The following COMP variants were observed in gnomAD, a reference collection of about 807,000 sequenced individuals.
COMP encodes cartilage oligomeric matrix protein (pseudoachondroplasia, epiphyseal dysplasia 1, multiple).
COMP carries 79 observed loss-of-function variants against 95.8 expected under a neutral mutation model. That is an observed-to-expected ratio of 0.82 (90% CI 0.69 to 0.99). The LOEUF (loss-of-function observed/expected upper bound fraction) is 0.99, where lower values mean the gene tolerates loss of function less well. Among genes scored for constraint, COMP ranks in the 50% least tolerant of loss-of-function variants. The probability of loss-of-function intolerance (pLI) is 0.00; values close to 1 mark genes in which losing one functional copy is unlikely to be tolerated. For missense variants in COMP, 906 were observed against 1,076.1 expected (o/e 0.84, Z 2.21); for synonymous variants, 438 against 433.9 (o/e 1.01, Z -0.12).
intron 10 of COMP, chr19:18,787,003 C>T (rs943040583): frequency 8.9e-6 from 3 of 338,776 alleles, no homozygotes; most frequent in Non-Finnish European, 1.7e-5. Flanking sequence ...GAACTCCTGA[C>T]CTCGTGATCC....
rs1375777930 is a variant in COMP, at chr19:18,789,041, C to A, written c.528+119G>T. ...CCCAAACCGATCAGCCCTGGCGCAG[C>A]GGACCCCTCCTCTCCCCACCCCTCC... On this transcript the variant is annotated intron_variant, in intron 5 of 18. Coordinates refer to ENST00000222271, the MANE Select transcript of COMP (RefSeq NM_000095.3). This position sits in a 1 kb window ranked among gnomAD's most constrained non-coding sequence, Gnocchi z 6.1. 13 of 1,535,844 alleles carry A rather than the reference C, an allele frequency of 8.5e-6. No homozygotes were observed. The highest frequency in any genetic ancestry group is 1.9e-5 in the Admixed American group (1 of 53,240).
rs1234440383 is a variant in COMP, at chr19:18,784,199, GC to G, written c.2078del (p.Gly693AlafsTer?). The G allele has an allele frequency of 6.2e-7, 1 of 1,613,450 alleles. No homozygotes were observed. The highest frequency in any genetic ancestry group is 8.5e-7 in the Non-Finnish European group (1 of 1,180,034). On this transcript the variant is annotated frameshift_variant, in exon 17 of 19. Coordinates refer to ENST00000222271, the MANE Select transcript of COMP (RefSeq NM_000095.3). LOFTEE classifies it high-confidence loss of function. The surrounding 1 kb of genome is among the most constrained non-coding windows in gnomAD (Gnocchi z 4.9). ...RWFLQHRPQVGYIRVRFYEGP... is the reference protein window; with the variant it reads ...RWFLQHRPQVXYIRVRFYEGP... ...GAGGGTGGAGTCCCCACCTGATGTA[GC>G]CCACTTGGGGCCGGTGCTGCAGGAA...
In COMP at chr19:18,788,701, G is replaced by A. The variant is rs1488913825; in HGVS notation, c.653C>T (p.Ala218Val). The change falls in exon 7 of 19, where the codon GCG (alanine) becomes GTG (valine). Residue 218 changes from alanine to valine, a missense_variant. Ala to Val is a moderately conservative substitution (Grantham distance 64). Transcript: ENST00000222271. The surrounding 1 kb of genome is among the most constrained non-coding windows in gnomAD (Gnocchi z 4.7). ...PCQPGFVGDQ[A>V]SGCQRRAQRF... ...CTGTGCGCGCCGCTGGCAGCCGGAC[G>A]CCTGGTCGCCCACGAAGCCGGGCTG... 6 of 1,541,050 alleles carry A rather than the reference G, an allele frequency of 3.9e-6. No individual in the cohort carries two copies. Among genetic ancestry groups the A allele is most frequent in the East Asian group, 2.5e-5 (1 of 40,738 alleles).
chr19:18,784,214 G>C lies in COMP; in HGVS notation c.2064C>G (p.His688Gln). ...ACCTGATGTAGCCCACTTGGGGCCG[G>C]TGCTGCAGGAACCAACGATAGGACT... ...DKKSYRWFLQ[H>Q]RPQVGYIRVR... The change falls in exon 17 of 19, where the codon CAC becomes CAG. Residue 688 changes from histidine (H) to glutamine (Q), a missense_variant. Physicochemically the swap from His to Gln is conservative, Grantham distance 24. Transcript: ENST00000222271. The surrounding 1 kb of genome is among the most constrained non-coding windows in gnomAD (Gnocchi z 4.9). The C allele has an allele frequency of 1.2e-6, 2 of 1,613,832 alleles. No homozygotes were observed. The highest frequency in any genetic ancestry group is 4.5e-5 in the East Asian group (2 of 44,884).
intron 10 of COMP, 112 bp from the exon 11 acceptor site, chr19:18,786,762 G>A (rs2055170566): frequency 3.5e-6 from 1 of 289,140 alleles, no homozygotes; most frequent in Non-Finnish European, 5.9e-6. Context: ...CTTCATGGAA[G>A]CTTTTTTTTT....
chr19:18,790,898 C>A lies in COMP; in HGVS notation c.117G>T (p.Gln39His). The A allele has an allele frequency of 6.4e-7, 1 of 1,571,448 alleles. No homozygotes were observed. Among genetic ancestry groups the A allele is most frequent in the East Asian group, 2.4e-5 (1 of 42,548 alleles). The change falls in exon 2 of 19, where the codon CAG (glutamine) becomes CAT (histidine). Residue 39 changes from glutamine to histidine, a missense_variant. Transcript: ENST00000222271. ...DLGPQMLREL[Q>H]ETNAALQDVR... is the part of the protein sequence containing the mutation. ...CGTCCTGCAGCGCCGCGTTGGTTTC[C>A]TGCAGTTCCCGAAGCATCTGCGGGC...
At chr19:18,786,192 G>A (rs779078342) in intron 12 of COMP, 46 bp from the exon 13 acceptor site, 7 of 1,614,126 alleles carry the variant, frequency 4.3e-6, no homozygotes, top group Non-Finnish European at 5.9e-6. Flanking sequence ...TCTCCAGAGC[G>A]TTTTGTCAAA....
Position 18,784,069 on chromosome 19 carries a change from C to A in COMP, c.2087+122G>T. On this transcript the variant is annotated intron_variant, in intron 17 of 18. Coordinates refer to ENST00000222271, the MANE Select transcript of COMP (RefSeq NM_000095.3). This position sits in a 1 kb window ranked among gnomAD's most constrained non-coding sequence, Gnocchi z 4.9. ...CCAGCATAGGCTCATTCTAACTGCC[C>A]TGTATCTTTCCTATCGTACAGATGA... The A allele has an allele frequency of 2.6e-6, 3 of 1,133,742 alleles. No homozygotes were observed. Among genetic ancestry groups the A allele is most frequent in the Non-Finnish European group, 4.0e-6 (3 of 757,762 alleles). The allele number at this position is 1,133,742 out of a possible 1,614,324, so 70.2% of individuals were successfully genotyped here. A position where few individuals can be genotyped will look rare whatever the true frequency, so the allele number is the denominator to read the frequency against.
chr19:18,786,454 A>T, intron 11 of COMP, 78 bp downstream of exon 11: 2 of 1,535,554 alleles, frequency 1.3e-6, no homozygotes, highest in Non-Finnish European at 1.8e-6. Context: ...AAATGCTCTA[A>T]GCTGGGCTGT....
rs757961612 is a variant in COMP at position 18,788,753 on chromosome 19, G to GCGCCGGAGC, written c.604-12_604-4dup. The GCGCCGGAGC allele has an allele frequency of 9.5e-6, 15 of 1,577,100 alleles. No homozygotes were observed. The South Asian group carries it at 1.4e-4, about 14-fold the overall frequency. ...CACGGGCCGCACTGGAAGGAGCCCTGCGCCGGAGCCGCCGGAGGTCAGCGC... is the reference window on the plus strand; with the variant it reads ...CACGGGCCGCACTGGAAGGAGCCCTGCGCCGGAGCCGCCGGAGCCGCCGGAGGTCAGCGC... On this transcript the variant is annotated splice_polypyrimidine_tract_variant and splice_region_variant and intron_variant, in intron 6 of 18. Transcript: ENST00000222271. This position sits in a 1 kb window ranked among gnomAD's most constrained non-coding sequence, Gnocchi z 4.7.
intron 10 of COMP, chr19:18,787,089 G>A: frequency 2.7e-6 from 1 of 374,098 alleles, no homozygotes; most frequent in Non-Finnish European, 5.0e-6. Flanking sequence ...CTTTAAGAAT[G>A]AATGGTCCCA....
rs1009680182 is a variant in COMP, at chr19:18,789,919, G to C, written c.390+23C>G. ...GGCGGTAGAGGGAGTCGTCAGGGCGGTGGAGTGTCGGGGCTAGCGCACCTC... is the reference window on the plus strand; with the variant it reads ...GGCGGTAGAGGGAGTCGTCAGGGCGCTGGAGTGTCGGGGCTAGCGCACCTC... On this transcript the variant is annotated intron_variant, in intron 4 of 18. Coordinates refer to ENST00000222271, the MANE Select transcript of COMP (RefSeq NM_000095.3). The surrounding 1 kb of genome is among the most constrained non-coding windows in gnomAD (Gnocchi z 6.1). 6.3e-7 allele frequency: 1 copy of C among 1,595,252 alleles called. No homozygotes were observed. The highest frequency in any genetic ancestry group is 1.7e-5 in the Admixed American group (1 of 59,690).
In COMP at chr19:18,791,279, G is replaced by C; in HGVS notation, c.-10C>G. 6.3e-7 allele frequency: 1 copy of C among 1,586,950 alleles called. No individual in the cohort carries two copies. The highest frequency in any genetic ancestry group is 8.6e-7 in the Non-Finnish European group (1 of 1,169,056). On this transcript the variant is annotated 5_prime_UTR_variant, in exon 1 of 19. Coordinates refer to ENST00000222271, the MANE Select transcript of COMP (RefSeq NM_000095.3). ...CGGTGTCGGGGACCATGGCGGTGGC[G>C]GGGAGCTGGGTGGCTGCTCGCTTTC... is the stretch of plus-strand genomic sequence containing the variant.
rs771546115 is a variant in COMP, at chr19:18,791,184, G to C, written c.79+7C>G. The C allele has an allele frequency of 1.0e-4, 158 of 1,578,324 alleles. No individual in the cohort carries two copies. The highest frequency in any genetic ancestry group is 1.3e-4 in the Non-Finnish European group (146 of 1,163,650). On this transcript the variant is annotated splice_region_variant and intron_variant, in intron 1 of 18. Coordinates refer to ENST00000222271, the MANE Select transcript of COMP (RefSeq NM_000095.3). ...GTGGGCACGGCGCGGGTGCTAACGC[G>C]GCTTACCCAACGGGCTCTGGCCCTG...
Position 18,788,944 on chromosome 19 carries a change from C to G in COMP, c.529-31G>C. 1.2e-6 allele frequency: 2 copies of G among 1,609,528 alleles called. No individual in the cohort carries two copies. The highest frequency in any genetic ancestry group is 8.5e-7 in the Non-Finnish European group (1 of 1,177,770). ...GGAGGGGAACTCAGAGGTCACCACC[C>G]CACGCAGACACCTCCGGACCTCCCA... is the stretch of plus-strand genomic sequence containing the variant. On this transcript the variant is annotated intron_variant, in intron 5 of 18. Coordinates refer to ENST00000222271, the MANE Select transcript of COMP (RefSeq NM_000095.3). This position sits in a 1 kb window ranked among gnomAD's most constrained non-coding sequence, Gnocchi z 4.7.
chr19:18,785,934 GC>G (rs746770208), intron 13 of COMP, 30 bp downstream of exon 13: 1 of 1,059,128 alleles, frequency 9.4e-7, no homozygotes. Context: ...CACTGGCCCC[GC>G]CCCCACCGCA....
rs777468425 is a variant in COMP, at chr19:18,784,233, T to C, written c.2045A>G (p.Tyr682Cys). ...GGGCCGGTGCTGCAGGAACCAACGA[T>C]AGGACTTCTTGTCCTTCCAACCCAC... ...RNVGWKDKKS[Y>C]RWFLQHRPQV... The change falls in exon 17 of 19, where the codon TAT (tyrosine) becomes TGT (cysteine). Residue 682 changes from tyrosine to cysteine, a missense_variant. Tyr to Cys is a radical substitution (Grantham distance 194). Transcript: ENST00000222271. This position sits in a 1 kb window ranked among gnomAD's most constrained non-coding sequence, Gnocchi z 4.9. 6.8e-6 allele frequency: 11 copies of C among 1,614,028 alleles called. No individual in the cohort carries two copies. The East Asian group carries it at 1.8e-4, about 26-fold the overall frequency.
rs1339272272 is a variant in COMP at position 18,786,167 on chromosome 19, C to T, written c.1308-21G>A. On this transcript the variant is annotated intron_variant, in intron 12 of 18. Coordinates refer to ENST00000222271, the MANE Select transcript of COMP (RefSeq NM_000095.3). ...CATCCCTAGAGTGGATAGGTGGGAT[C>T]CAGAGACAATGAGCTCTCCAGAGCG... The T allele has an allele frequency of 1.1e-5, 17 of 1,613,970 alleles. No individual in the cohort carries two copies. The African/African-American group carries it at 1.2e-4, about 11-fold the overall frequency.
In COMP at chr19:18,787,591, G is replaced by T. The variant is rs1477987617; in HGVS notation, c.1035C>A (p.Gly345=). The T allele has an allele frequency of 3.1e-6, 5 of 1,613,894 alleles. No homozygotes were observed. The highest frequency in any genetic ancestry group is 1.6e-4 in the Middle Eastern group (1 of 6,084). ...DQRNTDEDKW[G]DACDNCRSQK... is the part of the protein sequence containing the mutation. The stretch of plus-strand genomic sequence containing the variant: ...GGGACCGGCAGTTGTCGCACGCATC[G>T]CCCCACTTGTCCTCGTCCGTGTTGC... Residue 345 remains glycine (G), a synonymous_variant, in exon 10 of 19, where the codon GGC becomes GGA. Coordinates refer to ENST00000222271, the MANE Select transcript of COMP (RefSeq NM_000095.3).
Sources: gnomAD v4.1 joint callset for allele counts on GRCh38, gnomAD v4.1.1 for gene constraint, Gnocchi (gnomAD v3.1) non-coding constraint, MANE v1.5 for transcripts, NCBI Gene and HGNC (gene_info 2026-07-23, HGNC 2026-07-21) for gene names.